Variants in GBF1 observed in about 807,000 individuals in gnomAD.
GBF1 encodes Golgi-specific brefeldin A-resistance guanine nucleotide exchange factor 1.
In GBF1, 114 loss-of-function variants were observed where a neutral mutation model predicts 210.5. The ratio of observed to expected loss-of-function variants is 0.54; its 90% CI spans 0.47 to 0.63. GBF1 has a LOEUF of 0.63. Among genes scored for constraint, GBF1 ranks in the 30% least tolerant of loss-of-function variants. The pLI, the probability that GBF1 is intolerant of heterozygous loss-of-function variation, is 0.00. For missense variants in GBF1, 1,851 were observed against 2,357.7 expected (o/e 0.79, Z 4.45); for synonymous variants, 850 against 889.2 (o/e 0.96, Z 0.78).
chr10:102,255,036 T>G (rs934459911), intron 1 of GBF1, among the ~76,000 whole-genome samples: 1 of 152,008 alleles, frequency 6.6e-6, no homozygotes, highest in African/African-American at 2.4e-5. Context: ...TCCTCTTCAT[T>G]CCCTAGATGT....
intron 3 of GBF1, among the ~76,000 whole-genome samples, chr10:102,264,722 G>A (rs1166843532): frequency 1.3e-5 from 2 of 152,224 alleles, no homozygotes; most frequent in African/African-American, 4.8e-5. Flanking sequence ...CTGTAATACA[G>A]TTTGTTCATT....
intron 3 of GBF1, among the ~76,000 whole-genome samples, chr10:102,287,301 A>T (rs2076029779): frequency 6.6e-6 from 1 of 151,362 alleles, no homozygotes; most frequent in Non-Finnish European, 1.5e-5. Context: ...GCTTAAAATT[A>T]AAAAACAAAA....
chr10:102,350,022 T>A (rs1237060494), intron 4 of GBF1, among the ~76,000 whole-genome samples: 1 of 152,136 alleles, frequency 6.6e-6, no homozygotes, highest in Non-Finnish European at 1.5e-5. Context: ...TTCTTGCTCG[T>A]CGTCATATTA....
At chr10:102,253,138 G>A (rs987616950) in intron 1 of GBF1, among the ~76,000 whole-genome samples, 2 of 152,032 alleles carry the variant, frequency 1.3e-5, no homozygotes, top group African/African-American at 4.8e-5. Context: ...CAGTTGATCT[G>A]CCTGCTTTGG....
rs1489820975 is a variant in GBF1 at position 102,358,121 on chromosome 10, C to A, written c.722C>A (p.Thr241Asn). ...KRSPRPPRHM[T>N]KVTPGSELPT... ...TCCCCTCGGCCCCCACGCCATATGA[C>A]CAAAGTCACACCAGGTTCAGAGCTG... Residue 241 changes from threonine (T) to asparagine (N), a missense_variant, in exon 9 of 40, where the codon ACC becomes AAC. Around this residue, in one of 3 missense-constraint regions of GBF1, gnomAD observed 804 missense variants for 958.6 expected, o/e 0.84. Coordinates refer to ENST00000369983, the MANE Select transcript of GBF1 (RefSeq NM_001377137.1). 6.2e-7 allele frequency: 1 copy of A among 1,612,822 alleles called. No homozygotes were observed. The highest frequency in any genetic ancestry group is 8.5e-7 in the Non-Finnish European group (1 of 1,178,896).
chr10:102,294,606 T>C (rs1197498416), intron 3 of GBF1, among the ~76,000 whole-genome samples: 1 of 151,628 alleles, frequency 6.6e-6, no homozygotes, highest in East Asian at 1.9e-4. Flanking sequence ...TGGTCTCGAT[T>C]TCCTGACCAT....
At chr10:102,339,100 C>T (rs1409593040) in intron 3 of GBF1, among the ~76,000 whole-genome samples, 2 of 152,196 alleles carry the variant, frequency 1.3e-5, no homozygotes, top group Non-Finnish European at 1.5e-5. Context: ...TGGTGGCTCA[C>T]GCCTATAATC....
intron 3 of GBF1, among the ~76,000 whole-genome samples, chr10:102,322,146 C>T (rs2056464945): frequency 1.3e-5 from 2 of 152,252 alleles, no homozygotes; most frequent in South Asian, 4.1e-4. Context: ...AGGCGCAAGC[C>T]AAGCCACCAT....
chr10:102,347,828 A>G (rs1184227673), intron 4 of GBF1, among the ~76,000 whole-genome samples: 1 of 152,164 alleles, frequency 6.6e-6, no homozygotes, highest in Admixed American at 6.5e-5. Context: ...GTTTGGCCCC[A>G]TACAGCTGCC....
chr10:102,287,344 C>CTTTTTTTTTTTTTTTTTT (rs763880492), intron 3 of GBF1, among the ~76,000 whole-genome samples: 5 of 69,524 alleles, frequency 7.2e-5, no homozygotes, highest in African/African-American at 1.4e-4. Flanking sequence ...ATTTTATTTT[C>CTTTTTTTTTTTTTTTTTT]TTTTTTTTTT....
intron 3 of GBF1, among the ~76,000 whole-genome samples, chr10:102,310,245 G>A (rs111328630): frequency 6.0e-4 from 92 of 152,316 alleles, no homozygotes; most frequent in African/African-American, 1.9e-3. Flanking sequence ...GGGAAAAGTC[G>A]TGCCTCATGT....
intron 3 of GBF1, among the ~76,000 whole-genome samples, chr10:102,305,979 G>A (rs1589570791): frequency 6.6e-6 from 1 of 152,328 alleles, no homozygotes; most frequent in East Asian, 1.9e-4. Flanking sequence ...TCCAGAGGGA[G>A]AGAATGATGA....
At chr10:102,337,039 A>G (rs2057797418) in intron 3 of GBF1, among the ~76,000 whole-genome samples, 1 of 152,114 alleles carries the variant, frequency 6.6e-6, no homozygotes, top group Admixed American at 6.6e-5. Context: ...ATTGGACTTT[A>G]TGTTTTTAAA....
chr10:102,382,005 G>T, intron 39 of GBF1, 51 bp from the exon 40 acceptor site: 3 of 1,470,488 alleles, frequency 2.0e-6, no homozygotes, highest in South Asian at 2.7e-5. Context: ...TGTGAGAGTT[G>T]TCTTGTACCA....
Position 102,289,878 on chromosome 10 carries a change from G to C in GBF1, c.163+29762G>C, listed in dbSNP as rs1296815599. Among the ~76,000 whole-genome samples, 6 of 152,210 alleles carry C rather than the reference G, an allele frequency of 3.9e-5. No individual in the cohort carries two copies. In the East Asian group the frequency reaches 1.2e-3, roughly 29 times the overall value. ...ATTCCAGCACTTTGAGAGAGGCCTA[G>C]GCGGGAGGATTGCTTGAGCACAGGA... On this transcript the variant is annotated intron_variant, in intron 3 of 39. Transcript: ENST00000369983.
In GBF1 at chr10:102,376,590, C is replaced by G. The variant is rs113369150; in HGVS notation, c.4078C>G (p.Pro1360Ala). ...VGKDDVDNSK[P>A]GPSRPGPSPL... The stretch of plus-strand genomic sequence containing the variant: ...GAAGGATGACGTTGATAACTCCAAG[C>G]CAGGGCCCAGCCGCCCAGGCCCTTC... Residue 1360 changes from proline (P) to alanine (A), a missense_variant, in exon 32 of 40, where the codon CCA becomes GCA. Around this residue, in one of 3 missense-constraint regions of GBF1, gnomAD observed 967 missense variants for 1,247.7 expected, o/e 0.78. Coordinates refer to ENST00000369983, the MANE Select transcript of GBF1 (RefSeq NM_001377137.1). 1.9e-6 allele frequency: 3 copies of G among 1,613,766 alleles called. No individual in the cohort carries two copies. The highest frequency in any genetic ancestry group is 2.5e-6 in the Non-Finnish European group (3 of 1,179,666).
chr10:102,275,635 G>T (rs536801303), intron 3 of GBF1, among the ~76,000 whole-genome samples: 49 of 152,286 alleles, frequency 3.2e-4, no homozygotes, highest in African/African-American at 1.1e-3. Flanking sequence ...ATCGTGTTCT[G>T]AATTTAAAGT....
chr10:102,236,330 C>G, the GBF1 span, among the ~76,000 whole-genome samples: 1 of 152,206 alleles, frequency 6.6e-6, no homozygotes, highest in African/African-American at 2.4e-5. Context: ...TAAGAAATGC[C>G]CAGGCAGGGA....
At chr10:102,327,959 C>T (rs572199891) in intron 3 of GBF1, among the ~76,000 whole-genome samples, 1 of 152,334 alleles carries the variant, frequency 6.6e-6, no homozygotes, top group African/African-American at 2.4e-5. Flanking sequence ...AAGGTTCTGT[C>T]AGCACCTTTC....
Sources: gnomAD v4.1 joint callset for allele counts (sites outside exome capture counted in the v4.1 genomes callset) on GRCh38, gnomAD v4.1.1 for gene constraint, gnomAD v4.1.1 regional missense constraint, MANE v1.5 for transcripts, NCBI Gene and HGNC (gene_info 2026-07-23, HGNC 2026-07-21) for gene names.